The following UTP20 variants were observed in gnomAD, a reference collection of about 807,000 sequenced individuals.
The protein encoded by UTP20 is small subunit processome component 20 homolog.
Under a neutral mutation model 329.5 loss-of-function variants are expected in UTP20, and 164 were observed. That is an observed-to-expected ratio of 0.50 (90% CI 0.44 to 0.57). UTP20 has a LOEUF of 0.57. Ranked by LOEUF, UTP20 falls within the 20% of genes least tolerant of loss-of-function variation. UTP20 has a pLI of 0.00. For missense variants in UTP20, 3,055 were observed against 3,284.2 expected (o/e 0.93, Z 1.71); for synonymous variants, 1,151 against 1,159.3 (o/e 0.99, Z 0.14).
intron 25 of UTP20, among the ~76,000 whole-genome samples, chr12:101,326,100 G>A (rs1056418453): frequency 3.9e-5 from 6 of 152,168 alleles, no homozygotes; most frequent in Admixed American, 1.3e-4. Flanking sequence ...TAGTGTAACA[G>A]AGTTCATCAA....
At chr12:101,343,264 G>A (rs1869209166) in intron 35 of UTP20, among the ~76,000 whole-genome samples, 171 bp downstream of exon 35, 1 of 152,042 alleles carries the variant, frequency 6.6e-6, no homozygotes, top group Non-Finnish European at 1.5e-5. Flanking sequence ...TTATTCTCAT[G>A]ATTTAAAAGG....
chr12:101,292,751 A>G (rs1872206331), intron 10 of UTP20, among the ~76,000 whole-genome samples: 1 of 152,234 alleles, frequency 6.6e-6, no homozygotes, highest in Non-Finnish European at 1.5e-5. Context: ...TTGAAAAGTT[A>G]GGTTGGGTTT....
intron 30 of UTP20, 41 bp from the exon 31 acceptor site, chr12:101,338,770 AAG>A: frequency 6.5e-7 from 1 of 1,528,740 alleles, no homozygotes; most frequent in Non-Finnish European, 8.8e-7. Flanking sequence ...ATTATGCCTT[AAG>A]AGAGTTTATT....
chr12:101,304,797 TCTCA>T (rs1407923273), intron 15 of UTP20, among the ~76,000 whole-genome samples: 2 of 152,188 alleles, frequency 1.3e-5, no homozygotes, highest in Non-Finnish European at 2.9e-5. Context: ...AGGTATCCCA[TCTCA>T]CTCTATAAAA....
rs1164087279 is a variant in UTP20 at position 101,338,716 on chromosome 12, A to G, written c.3869-97A>G. On this transcript the variant is annotated intron_variant, in intron 30 of 61. Transcript: ENST00000261637. ...GAATTGAAATTTAACTTAAATGTTC[A>G]TAGTGGTTGAGTGCTTTTCTTATCA... The G allele has an allele frequency of 1.6e-5, 16 of 1,003,922 alleles. No individual in the cohort carries two copies. In the African/African-American group the frequency reaches 1.7e-4, roughly 11 times the overall value. The allele number at this position is 1,003,922 out of a possible 1,614,324, so 62.2% of individuals were successfully genotyped here. A position where few individuals can be genotyped will look rare whatever the true frequency, so the allele number is the denominator to read the frequency against.
intron 21 of UTP20, among the ~76,000 whole-genome samples, chr12:101,313,979 G>T (rs1469672260): frequency 6.6e-6 from 1 of 152,130 alleles, no homozygotes; most frequent in African/African-American, 2.4e-5. Flanking sequence ...TCAAGGGAAA[G>T]GTTTGATCTG....
intron 45 of UTP20, among the ~76,000 whole-genome samples, chr12:101,365,015 GC>G (rs1245109182): frequency 5.3e-5 from 8 of 151,734 alleles, no homozygotes; most frequent in South Asian, 2.1e-4. Context: ...CTGAGGCTTG[GC>G]CATAGTAGCA....
At chr12:101,361,397 G>C (rs1049313345) in intron 43 of UTP20, among the ~76,000 whole-genome samples, 2 of 151,968 alleles carry the variant, frequency 1.3e-5, no homozygotes, top group African/African-American at 2.4e-5. Context: ...GCTGAGGCAG[G>C]CAAATCACCT....
At chr12:101,292,605 A>G (rs1872199544) in intron 10 of UTP20, among the ~76,000 whole-genome samples, 1 of 152,204 alleles carries the variant, frequency 6.6e-6, no homozygotes, top group Admixed American at 6.5e-5. Flanking sequence ...TGAAGGTTGA[A>G]AAGCAGTCTG....
intron 25 of UTP20, among the ~76,000 whole-genome samples, chr12:101,326,694 C>T (rs763863248): frequency 6.6e-6 from 1 of 152,068 alleles, no homozygotes; most frequent in African/African-American, 2.4e-5. Flanking sequence ...TAACAAACCA[C>T]CTTCTGGCCT....
intron 37 of UTP20, among the ~76,000 whole-genome samples, chr12:101,346,033 G>A (rs867177990): frequency 2.0e-5 from 3 of 152,038 alleles, no homozygotes; most frequent in African/African-American, 4.8e-5. Context: ...CACATGGACT[G>A]TGTTTCACTT....
At chr12:101,286,930 C>T (rs1871978062) in intron 5 of UTP20, among the ~76,000 whole-genome samples, 1 of 152,094 alleles carries the variant, frequency 6.6e-6, no homozygotes, top group Non-Finnish European at 1.5e-5. Flanking sequence ...GTTTTAAACA[C>T]TGACATTTCC....
intron 54 of UTP20, 150 bp downstream of exon 54, chr12:101,373,917 G>A (rs1870383576): frequency 2.0e-6 from 2 of 995,182 alleles, no homozygotes; most frequent in African/African-American, 1.7e-5. Flanking sequence ...TATTCTTAAA[G>A]TTTTCCAAAG....
In UTP20 at chr12:101,338,844, A is replaced by G; in HGVS notation, c.3900A>G (p.Leu1300=). ...ESITIGGRLI[L]PHVPAILQYL... is the part of the protein sequence containing the mutation. The stretch of plus-strand genomic sequence containing the variant: ...TCACAATAGGAGGAAGATTAATTCT[A>G]CCTCATGTACCTGCAATTCTTCAGT... Residue 1300 remains leucine, a synonymous_variant, in exon 31 of 62, where the codon CTA becomes CTG. Coordinates refer to ENST00000261637, the MANE Select transcript of UTP20 (RefSeq NM_014503.3). 6.2e-7 allele frequency: 1 copy of G among 1,610,206 alleles called. No homozygotes were observed. The highest frequency in any genetic ancestry group is 8.5e-7 in the Non-Finnish European group (1 of 1,178,860).
chr12:101,285,838 C>G lies in UTP20; in HGVS notation c.283C>G (p.His95Asp). The change falls in exon 4 of 62, where the codon CAC becomes GAC. Residue 95 changes from histidine to aspartate, a missense_variant. By Grantham distance (81) the His-to-Asp change is moderately conservative. This residue lies in a region of UTP20 where 2,445 missense variants were observed against 2,575.5 expected (regional missense o/e 0.95). Coordinates refer to ENST00000261637, the MANE Select transcript of UTP20 (RefSeq NM_014503.3). ...QNEIVQSLKT[H>D]LQVKNSFAYQ... The stretch of plus-strand genomic sequence containing the variant: ...CGAGATAGTTCAGAGTTTGAAGACT[C>G]ACCTGCAAGTTAAGAACAGTTTTGC... 6.2e-7 allele frequency: 1 copy of G among 1,613,876 alleles called. No individual in the cohort carries two copies. Among genetic ancestry groups the G allele is most frequent in the Non-Finnish European group, 8.5e-7 (1 of 1,179,896 alleles).
At position 101,370,469 on chromosome 12, in the gene UTP20, A is replaced by G. The variant is rs762013459; in HGVS notation, c.6593A>G (p.Gln2198Arg). 1.2e-6 allele frequency: 2 copies of G among 1,613,952 alleles called. No homozygotes were observed. The highest frequency in any genetic ancestry group is 3.3e-5 in the Admixed American group (2 of 59,994). ...TILVKKVKSY[Q>R]ITEKQLQVLL... is the part of the protein sequence containing the mutation. ...CTTGTCAAGAAAGTCAAGTCTTACC[A>G]GATAACTGAAAAACAGCTCCAAGTT... Residue 2198 changes from glutamine to arginine, a missense_variant, in exon 50 of 62, where the codon CAG (glutamine) becomes CGG (arginine). This residue lies in a region of UTP20 where 273 missense variants were observed against 363.1 expected (regional missense o/e 0.75). Coordinates refer to ENST00000261637, the MANE Select transcript of UTP20 (RefSeq NM_014503.3).
chr12:101,311,894 A>G (rs961897969), intron 20 of UTP20, 96 bp downstream of exon 20: 13 of 1,553,932 alleles, frequency 8.4e-6, no homozygotes, highest in South Asian at 1.2e-5. Context: ...GAAAACAGAG[A>G]TGAAACATAT....
At chr12:101,280,980 A>C in intron 1 of UTP20, 136 bp from the exon 2 acceptor site, 92 of 617,106 alleles carry the variant, frequency 1.5e-4, no homozygotes, top group Non-Finnish European at 2.1e-4. Flanking sequence ...AAATTTGTTT[A>C]CGGCCGTATG....
intron 38 of UTP20, among the ~76,000 whole-genome samples, chr12:101,350,878 C>T (rs11110762): frequency 0.12 from 18,397 of 152,064 alleles, 1,362 homozygotes; most frequent in Middle Eastern, 0.23. Flanking sequence ...TGCAGCTTTC[C>T]TCTGTGCAGC....
Sources: allele counts gnomAD v4.1 joint callset (sites outside exome capture counted in the v4.1 genomes callset), GRCh38; gene constraint gnomAD v4.1.1; regional missense constraint gnomAD v4.1.1; transcripts MANE v1.5; gene names NCBI Gene and HGNC (gene_info 2026-07-23, HGNC 2026-07-21).